USP25: variants seen among roughly 807,000 people sequenced by gnomAD.
USP25 encodes ubiquitin carboxyl-terminal hydrolase 25.
USP25 carries 85 observed loss-of-function variants against 158.5 expected under a neutral mutation model. The observed-to-expected ratio is 0.54, with a 90% CI of 0.45 to 0.64. The LOEUF (loss-of-function observed/expected upper bound fraction) is 0.64. Among genes scored for constraint, USP25 ranks in the 30% least tolerant of loss-of-function variants. The pLI, the probability that USP25 is intolerant of heterozygous loss-of-function variation, is 0.00. For synonymous variants in USP25, 464 were observed against 460.4 expected (o/e 1.01, Z -0.10); for missense variants, 1,242 against 1,327.3 (o/e 0.94, Z 1.00).
At chr21:15,821,204 T>C (rs1039471001) in intron 10 of USP25, among the ~76,000 whole-genome samples, 22 of 152,074 alleles carry the variant, frequency 1.4e-4, no homozygotes, top group African/African-American at 4.8e-4. Context: ...CTGTCCACAC[T>C]GCCCCGAAAG....
intron 4 of USP25, among the ~76,000 whole-genome samples, chr21:15,783,105 TA>T (rs779264168): frequency 6.7e-6 from 1 of 149,502 alleles, no homozygotes; most frequent in Non-Finnish European, 1.5e-5. Flanking sequence ...TGAATGAAAT[TA>T]AAAAAAATAC....
chr21:15,754,733 A>G (rs1171008778), intron 1 of USP25, among the ~76,000 whole-genome samples: 1 of 152,202 alleles, frequency 6.6e-6, no homozygotes, highest in Non-Finnish European at 1.5e-5. Context: ...TGTGAGGACT[A>G]TACTATAGGA....
At chr21:15,865,773 C>G (rs1358583662) in intron 21 of USP25, among the ~76,000 whole-genome samples, 1 of 152,052 alleles carries the variant, frequency 6.6e-6, no homozygotes. Flanking sequence ...CAGAGTTATG[C>G]ACATGTGAAT....
intron 20 of USP25, among the ~76,000 whole-genome samples, chr21:15,860,971 T>TGAGAGAG (rs2039401165): frequency 1.4e-5 from 2 of 143,566 alleles, no homozygotes; most frequent in African/African-American, 5.2e-5. Context: ...TATATATATA[T>TGAGAGAG]ATATAGAGAG....
At chr21:15,757,990 T>C (rs1381448891) in intron 1 of USP25, among the ~76,000 whole-genome samples, 1 of 152,224 alleles carries the variant, frequency 6.6e-6, no homozygotes, top group African/African-American at 2.4e-5. Context: ...GGAAAACTTC[T>C]GTATAGATTA....
intron 1 of USP25, among the ~76,000 whole-genome samples, chr21:15,739,609 T>G (rs1417120767): frequency 6.6e-6 from 1 of 152,170 alleles, no homozygotes; most frequent in Non-Finnish European, 1.5e-5. Context: ...TGCCCTGATG[T>G]GCTTAGAGTA....
chr21:15,831,254 A>C, intron 15 of USP25, 147 bp from the exon 16 acceptor site: 2 of 689,028 alleles, frequency 2.9e-6, no homozygotes, highest in Non-Finnish European at 4.8e-6. Flanking sequence ...GTTTTTTTCA[A>C]ACTTTTAAGC....
At chr21:15,846,151 TA>T (rs1431270140) in intron 18 of USP25, among the ~76,000 whole-genome samples, 742 of 68,262 alleles carry the variant, frequency 0.011, 8 homozygotes, top group African/African-American at 0.039. Flanking sequence ...TATATATATA[TA>T]TATATATTTT....
chr21:15,808,630 C>G (rs1043639681), intron 7 of USP25, among the ~76,000 whole-genome samples, 179 bp from the exon 8 acceptor site: 4 of 151,262 alleles, frequency 2.6e-5, no homozygotes, highest in Non-Finnish European at 5.9e-5. Context: ...TTTCAAATAT[C>G]TTATATCCTG....
intron 23 of USP25, among the ~76,000 whole-genome samples, chr21:15,872,019 T>G (rs926251538): frequency 6.4e-4 from 89 of 139,792 alleles, no homozygotes; most frequent in South Asian, 3.0e-3. Flanking sequence ...ATACTGTTTT[T>G]TTTTTTTTTT....
chr21:15,817,547 G>A (rs959453195), intron 9 of USP25, among the ~76,000 whole-genome samples: 1 of 152,064 alleles, frequency 6.6e-6, no homozygotes, highest in Non-Finnish European at 1.5e-5. Context: ...AGACATACCC[G>A]AGACCGGGCA....
intron 1 of USP25, among the ~76,000 whole-genome samples, chr21:15,737,928 G>A (rs1477560001): frequency 6.6e-6 from 1 of 151,872 alleles, no homozygotes; most frequent in East Asian, 1.9e-4. Context: ...TCTGAAATAA[G>A]CCAGTGAGCA....
At chr21:15,768,561 G>A (rs1485664755) in intron 3 of USP25, among the ~76,000 whole-genome samples, 1 of 151,772 alleles carries the variant, frequency 6.6e-6, no homozygotes, top group Non-Finnish European at 1.5e-5. Context: ...TGGAAGATGT[G>A]GTAAAACATG....
chr21:15,812,406 C>G (rs907371142), intron 9 of USP25, among the ~76,000 whole-genome samples: 9 of 151,988 alleles, frequency 5.9e-5, no homozygotes, highest in African/African-American at 1.9e-4. Context: ...CCCAGCACTT[C>G]GGGAGCCCGA....
chr21:15,856,746 C>T (rs1435894915), intron 20 of USP25, among the ~76,000 whole-genome samples: 2 of 152,208 alleles, frequency 1.3e-5, no homozygotes, highest in Non-Finnish European at 2.9e-5. Flanking sequence ...GCTGGGAGTA[C>T]AGGCGTGAGC....
At position 15,833,490 on chromosome 21, in the gene USP25, G is replaced by C; in HGVS notation, c.2136G>C (p.Leu712Phe). The C allele has an allele frequency of 6.2e-7, 1 of 1,614,066 alleles. No individual in the cohort carries two copies. Among genetic ancestry groups the C allele is most frequent in the Non-Finnish European group, 8.5e-7 (1 of 1,179,972 alleles). Residue 712 changes from leucine to phenylalanine, a missense_variant, in exon 17 of 26, where the codon TTG (leucine) becomes TTC (phenylalanine). Physicochemically the swap from Leu to Phe is conservative, Grantham distance 22. Around this residue, in one of 3 missense-constraint regions of USP25, gnomAD observed 608 missense variants for 605.2 expected, o/e 1.00. Transcript: ENST00000400183. ...ATGCACAACTTGCCCAGAAAGCTTT[G>C]CAGGAAAAGCTTTTAGCGTCTCAGA... ...EWDAQLAQKA[L>F]QEKLLASQKL... is the part of the protein sequence containing the mutation.
intron 24 of USP25, chr21:15,876,654 A>G (rs1384610928): frequency 6.6e-6 from 1 of 152,434 alleles, no homozygotes; most frequent in Admixed American, 6.5e-5. Flanking sequence ...AACTGTCCCT[A>G]TGATCTGATC....
At position 15,830,525 on chromosome 21, in the gene USP25, C is replaced by T; in HGVS notation, c.1694-6C>T. ...TTAATCATTAAATGACACCTTATATCCTTAGATTTGCAGGAAAGCATATCC... is the reference window on the plus strand; with the variant it reads ...TTAATCATTAAATGACACCTTATATTCTTAGATTTGCAGGAAAGCATATCC... On this transcript the variant is annotated splice_polypyrimidine_tract_variant and splice_region_variant and intron_variant, in intron 14 of 25. Coordinates refer to ENST00000400183, the MANE Select transcript of USP25 (RefSeq NM_001283041.3). 6.2e-7 allele frequency: 1 copy of T among 1,601,654 alleles called. No individual in the cohort carries two copies. Among genetic ancestry groups the T allele is most frequent in the Non-Finnish European group, 8.5e-7 (1 of 1,174,250 alleles).
chr21:15,873,491 G>T (rs1181206663), intron 23 of USP25, among the ~76,000 whole-genome samples: 1 of 151,442 alleles, frequency 6.6e-6, no homozygotes. Context: ...TAACACATAT[G>T]CCTAATTCTA....
Sources: allele counts gnomAD v4.1 joint callset (sites outside exome capture counted in the v4.1 genomes callset), GRCh38; gene constraint gnomAD v4.1.1; regional missense constraint gnomAD v4.1.1; transcripts MANE v1.5; gene names NCBI Gene and HGNC (gene_info 2026-07-23, HGNC 2026-07-21).